Variants in CEP83 observed in about 807,000 individuals in gnomAD.
CEP83 encodes centrosomal protein of 83 kDa.
Under a neutral mutation model 101.9 loss-of-function variants are expected in CEP83, and 70 were observed. The ratio of observed to expected loss-of-function variants is 0.69; its 90% CI spans 0.57 to 0.84. The LOEUF is 0.84. CEP83 is among the 40% of genes least tolerant of loss of function. CEP83 has a pLI of 0.00. For missense variants in CEP83, 715 were observed against 787.2 expected (o/e 0.91, Z 1.10); for synonymous variants, 264 against 267.9 (o/e 0.99, Z 0.14).
downstream of CEP83, chr12:94,305,158 A>G: frequency 1.3e-6 from 2 of 1,487,874 alleles, no homozygotes; most frequent in Middle Eastern, 1.7e-4. Context: ...AATATCTAAA[A>G]TAACTGTTCT....
At chr12:94,268,487 T>C in the CEP83 span, among the ~76,000 whole-genome samples, 1 of 149,768 alleles carries the variant, frequency 6.7e-6, no homozygotes, top group African/African-American at 2.5e-5. Context: ...ATCTGCATCC[T>C]CCCTAATGTC....
chr12:94,398,072 G>A (rs976121454), intron 6 of CEP83, among the ~76,000 whole-genome samples: 1 of 152,170 alleles, frequency 6.6e-6, no homozygotes, highest in African/African-American at 2.4e-5. Flanking sequence ...GGGTCTGGGT[G>A]GAAGATTACA....
chr12:94,353,637 G>A (rs1301789016), intron 11 of CEP83, among the ~76,000 whole-genome samples: 1 of 151,686 alleles, frequency 6.6e-6, no homozygotes, highest in Non-Finnish European at 1.5e-5. Context: ...ATATAGACTG[G>A]GTAAAGGCAT....
intron 11 of CEP83, among the ~76,000 whole-genome samples, chr12:94,345,545 T>C (rs115500551): frequency 1.0e-3 from 153 of 152,226 alleles, no homozygotes; most frequent in African/African-American, 3.6e-3. Context: ...GTCCTCCTTT[T>C]ACCTGCGCCT....
chr12:94,291,880 A>G, the CEP83 span, among the ~76,000 whole-genome samples: 1 of 152,186 alleles, frequency 6.6e-6, no homozygotes, highest in African/African-American at 2.4e-5. Flanking sequence ...AGTACCCAAC[A>G]GGAACTTTTT....
At chr12:94,325,384 GCTGGT>G (rs1201588292) in intron 14 of CEP83, among the ~76,000 whole-genome samples, 1 of 152,122 alleles carries the variant, frequency 6.6e-6, no homozygotes, top group Non-Finnish European at 1.5e-5. Flanking sequence ...TGTTGGCCAG[GCTGGT>G]CTCAAACTCC....
At chr12:94,445,584 T>C (rs1475438895) in intron 1 of CEP83, among the ~76,000 whole-genome samples, 4 of 152,210 alleles carry the variant, frequency 2.6e-5, no homozygotes, top group Non-Finnish European at 5.9e-5. Context: ...CTGCAAATCA[T>C]AAATCTTATA....
chr12:94,287,598 G>C, the CEP83 span, among the ~76,000 whole-genome samples: 1 of 152,330 alleles, frequency 6.6e-6, no homozygotes, highest in South Asian at 2.1e-4. Flanking sequence ...AGGCAGAAAT[G>C]TTGTTTAACC....
chr12:94,394,764 CAA>C (rs1235494531), intron 6 of CEP83, among the ~76,000 whole-genome samples: 1 of 150,596 alleles, frequency 6.6e-6, no homozygotes, highest in Non-Finnish European at 1.5e-5. Context: ...ACAAAGAACT[CAA>C]AGTTACAAGA....
chr12:94,273,060 ATC>A, the CEP83 span, among the ~76,000 whole-genome samples: 2 of 151,980 alleles, frequency 1.3e-5, no homozygotes, highest in African/African-American at 4.8e-5. Context: ...ATGCTTCTAA[ATC>A]TCTCTGGTCT....
intron 14 of CEP83, among the ~76,000 whole-genome samples, chr12:94,321,606 AG>A (rs1402777635): frequency 6.6e-6 from 1 of 152,170 alleles, no homozygotes; most frequent in African/African-American, 2.4e-5. Flanking sequence ...AGGAGAAGTG[AG>A]GACTGGGACT....
At chr12:94,423,996 T>C in intron 2 of CEP83, 1 of 1,613,264 alleles carries the variant, frequency 6.2e-7, no homozygotes, top group Admixed American at 1.7e-5. Flanking sequence ...GGATGGTCCA[T>C]CCCTGGTGTC....
chr12:94,389,751 G>A (rs1229397717), intron 6 of CEP83, among the ~76,000 whole-genome samples: 5 of 152,190 alleles, frequency 3.3e-5, no homozygotes, highest in African/African-American at 7.2e-5. Flanking sequence ...TGGAAAAACA[G>A]GACACTCCTG....
At chr12:94,375,329 T>C (rs941152045) in intron 8 of CEP83, among the ~76,000 whole-genome samples, 5 of 152,166 alleles carry the variant, frequency 3.3e-5, no homozygotes, top group African/African-American at 9.7e-5. Context: ...GCAAGTTATG[T>C]GGATACGTGA....
rs564250349 is a variant in CEP83 at position 94,412,287 on chromosome 12, C to G, written c.173+31G>C. On this transcript the variant is annotated intron_variant, in intron 3 of 16. Transcript: ENST00000397809. ...GATAATGCCAATAACTTTTTAAAAC[C>G]AAACCCCACTTCTAGATTTAAGTAA... 6.2e-5 allele frequency: 96 copies of G among 1,551,796 alleles called. No individual in the cohort carries two copies. In the South Asian group the frequency reaches 1.2e-3, roughly 19 times the overall value.
intron 11 of CEP83, among the ~76,000 whole-genome samples, chr12:94,339,273 C>A (rs563433748): frequency 8.0e-4 from 122 of 152,248 alleles, no homozygotes; most frequent in African/African-American, 2.8e-3. Flanking sequence ...AGTACCTATA[C>A]ATGCTAAGCC....
chr12:94,338,078 G>T (rs561855723), intron 11 of CEP83, among the ~76,000 whole-genome samples: 206 of 152,306 alleles, frequency 1.4e-3, no homozygotes, highest in African/African-American at 4.7e-3. Context: ...AGAAAGAAAA[G>T]ATATTTATGT....
chr12:94,326,990 T>G (rs2058998408), intron 14 of CEP83, among the ~76,000 whole-genome samples: 1 of 152,016 alleles, frequency 6.6e-6, no homozygotes, highest in Non-Finnish European at 1.5e-5. Context: ...ACTAATATAG[T>G]GCCTGACTAA....
In CEP83 at chr12:94,443,162, G is replaced by GCC. The variant is rs1235463724; in HGVS notation, c.-154-7837_-154-7836dup. On this transcript the variant is annotated intron_variant, in intron 1 of 16. Transcript: ENST00000397809. ...CCTATACAAATTCAAACATTTTGCT[G>GCC]CCCCACAGGACCCCTTTGCTAGAGT... is the stretch of plus-strand genomic sequence containing the variant. Among the ~76,000 whole-genome samples, 24 of 152,110 alleles carry GCC rather than the reference G, an allele frequency of 1.6e-4. No individual in the cohort carries two copies. The South Asian group carries it at 3.3e-3, about 21-fold the overall frequency.
Sources: allele counts gnomAD v4.1 joint callset (sites outside exome capture counted in the v4.1 genomes callset), GRCh38; gene constraint gnomAD v4.1.1; transcripts MANE v1.5; gene names NCBI Gene and HGNC (gene_info 2026-07-23, HGNC 2026-07-21).